The following KIF26B variants were observed in gnomAD, a reference collection of about 807,000 sequenced individuals.
KIF26B encodes the protein kinesin family member 26B, also known as kinesin-like protein KIF26B.
A neutral mutation model predicts 151.2 loss-of-function variants in KIF26B; 63 were observed. That is an observed-to-expected ratio of 0.42 (90% CI 0.34 to 0.51). The LOEUF is 0.51. Ranked by LOEUF, KIF26B falls within the 20% of genes least tolerant of loss-of-function variation. KIF26B has a pLI of 0.07. For synonymous variants in KIF26B, 1,357 were observed against 1,262.1 expected, an observed-to-expected ratio of 1.08 and a Z score of -1.59; for missense variants, 2,813 against 2,913.6, an observed-to-expected ratio of 0.97 and a Z score of 0.79.
At chr1:245,245,460 A>C (rs1352124554) in intron 2 of KIF26B, among the ~76,000 whole-genome samples, 1 of 152,118 alleles carries the variant, frequency 6.6e-6, no homozygotes, top group Non-Finnish European at 1.5e-5. Flanking sequence ...GGCTTTATTT[A>C]CACACCTGGC....
chr1:245,325,330 C>T (rs986275623), intron 2 of KIF26B, among the ~76,000 whole-genome samples: 2 of 152,132 alleles, frequency 1.3e-5, no homozygotes, highest in African/African-American at 4.8e-5. Context: ...TCACTTTCAC[C>T]GTGAGCGTCA....
chr1:245,289,205 T>C (rs1239941846), intron 2 of KIF26B, among the ~76,000 whole-genome samples: 1 of 152,204 alleles, frequency 6.6e-6, no homozygotes, highest in Non-Finnish European at 1.5e-5. Flanking sequence ...TTATAAAGTA[T>C]AATGAAATTA....
rs533030014 is a variant in KIF26B at position 245,350,051 on chromosome 1, AT to A, written c.466-16774del. ...AAGTGCAGAGAGTATATATATATATATTTTTTTTTCATAAATACTTGCACAT... is the reference window on the plus strand; with the variant it reads ...AAGTGCAGAGAGTATATATATATATATTTTTTTTCATAAATACTTGCACAT... On this transcript the variant is annotated intron_variant, in intron 2 of 14. Transcript: ENST00000407071. Among the ~76,000 whole-genome samples, 344 of 141,172 alleles carry A rather than the reference AT, an allele frequency of 2.4e-3. 4 individuals carry two copies. The highest frequency in any genetic ancestry group is 0.017 in the East Asian group (52 of 3,022). 92.6% of individuals were successfully genotyped at this position (141,172 alleles called of 152,430 possible).
intron 5 of KIF26B, among the ~76,000 whole-genome samples, chr1:245,542,612 C>T (rs1041885550): frequency 6.6e-6 from 1 of 152,184 alleles, no homozygotes; most frequent in African/African-American, 2.4e-5. Flanking sequence ...GGTGGGAGCC[C>T]CCGAGGAGGG....
chr1:245,285,731 C>T lies in KIF26B; in HGVS notation c.466-81103C>T, dbSNP rs1181917654. On this transcript the variant is annotated intron_variant, in intron 2 of 14. Coordinates refer to ENST00000407071, the MANE Select transcript of KIF26B (RefSeq NM_018012.4). ...GCCGAGGAGGGAGGATCACTTGAGC[C>T]CAGGAGTTTGAGACCAGCCTGGTGC... Among the ~76,000 whole-genome samples, 13 of 150,764 alleles carry T rather than the reference C, an allele frequency of 8.6e-5. No homozygotes were observed. In the South Asian group the frequency reaches 2.7e-3, roughly 32 times the overall value.
chr1:245,592,035 C>T (rs1231924575), intron 5 of KIF26B, among the ~76,000 whole-genome samples: 1 of 152,230 alleles, frequency 6.6e-6, no homozygotes. Context: ...GAATTTCCTT[C>T]CCCCTCCGCT....
At chr1:245,412,270 C>G (rs1179156290) in intron 3 of KIF26B, among the ~76,000 whole-genome samples, 1 of 152,094 alleles carries the variant, frequency 6.6e-6, no homozygotes, top group Non-Finnish European at 1.5e-5. Context: ...AAAGATGTCC[C>G]AAGGCAGTGA....
At chr1:245,517,961 C>T (rs962348116) in intron 4 of KIF26B, among the ~76,000 whole-genome samples, 5 of 151,672 alleles carry the variant, frequency 3.3e-5, no homozygotes, top group African/African-American at 1.2e-4. Flanking sequence ...CAACCTCCAC[C>T]TCCTGGGTTC....
chr1:245,697,992 G>C (rs1166511480), intron 12 of KIF26B, 114 bp from the exon 13 acceptor site: 3 of 908,084 alleles, frequency 3.3e-6, no homozygotes, highest in Non-Finnish European at 5.0e-6. Context: ...AGTGAGCTAT[G>C]GATCGCACCA....
At chr1:245,211,318 CAA>C (rs1669522424) in intron 2 of KIF26B, among the ~76,000 whole-genome samples, 2 of 152,274 alleles carry the variant, frequency 1.3e-5, no homozygotes, top group Admixed American at 1.3e-4. Context: ...ACTCACCATC[CAA>C]AGAGTTGGGC....
Position 245,367,291 on chromosome 1 carries a change from C to T in KIF26B, c.923C>T (p.Ala308Val), listed in dbSNP as rs1002374622. ...PSNGNILNSV[A>V]IQAHQYLDGT... is the part of the protein sequence containing the mutation. ...AATGGGAACATCCTCAATTCGGTGG[C>T]CATCCAGGCTCACCAGTACCTGGAT... The change falls in exon 3 of 15, where the codon GCC (alanine) becomes GTC (valine). Residue 308 changes from alanine to valine, a missense_variant. Physicochemically the swap from Ala to Val is moderately conservative, Grantham distance 64. Around this residue, in one of 3 missense-constraint regions of KIF26B, gnomAD observed 676 missense variants for 688.1 expected, o/e 0.98. Transcript: ENST00000407071. The surrounding 1 kb of genome is among the most constrained non-coding windows in gnomAD (Gnocchi z 4.2). 2 of 1,597,976 alleles carry T rather than the reference C, an allele frequency of 1.3e-6. No individual in the cohort carries two copies. The highest frequency in any genetic ancestry group is 3.5e-5 in the Admixed American group (2 of 57,318).
chr1:245,260,389 C>T (rs922826067), intron 2 of KIF26B, among the ~76,000 whole-genome samples: 2 of 152,230 alleles, frequency 1.3e-5, no homozygotes, highest in African/African-American at 2.4e-5. Context: ...CCTAGTCTTT[C>T]TGCTAACTTC....
At position 245,428,222 on chromosome 1, in the gene KIF26B, T is replaced by G. The variant is rs116830938; in HGVS notation, c.1166+8477T>G. 9.2e-5 allele frequency among the ~76,000 whole-genome samples: 14 copies of G among 152,192 alleles called. 1 individual carries two copies. The highest frequency in any genetic ancestry group is 1.3e-4 in the Admixed American group (2 of 15,288). On this transcript the variant is annotated intron_variant, in intron 4 of 14. Transcript: ENST00000407071. ...TCTGCTTAGAAAATACTCCGTTGATTTCTTGGAAAAGAAGGGACTCTCACT... is the reference window on the plus strand; with the variant it reads ...TCTGCTTAGAAAATACTCCGTTGATGTCTTGGAAAAGAAGGGACTCTCACT...
chr1:245,334,409 T>G (rs1321254368), intron 2 of KIF26B, among the ~76,000 whole-genome samples: 2 of 152,230 alleles, frequency 1.3e-5, no homozygotes, highest in African/African-American at 2.4e-5. Flanking sequence ...TTTCTTTGCC[T>G]TCAAAGCAGT....
chr1:245,320,826 C>T (rs879718705), intron 2 of KIF26B, among the ~76,000 whole-genome samples: 8 of 152,068 alleles, frequency 5.3e-5, no homozygotes, highest in East Asian at 1.9e-4. Flanking sequence ...TACAGACACA[C>T]GCCACCATGC....
At chr1:245,335,995 GGGAAA>G (rs1672221054) in intron 2 of KIF26B, among the ~76,000 whole-genome samples, 3 of 121,586 alleles carry the variant, frequency 2.5e-5, no homozygotes, top group East Asian at 2.6e-4. Context: ...GTCCCACGCA[GGGAAA>G]GGAGAGTCCC....
intron 3 of KIF26B, among the ~76,000 whole-genome samples, chr1:245,410,859 T>C (rs1069233): frequency 0.47 from 71,372 of 151,992 alleles, 17,075 homozygotes; most frequent in South Asian, 0.66. Context: ...CACCACCATC[T>C]ACCACCAAAA....
At chr1:245,502,017 A>T (rs1015264706) in intron 4 of KIF26B, among the ~76,000 whole-genome samples, 1 of 152,218 alleles carries the variant, frequency 6.6e-6, no homozygotes, top group Admixed American at 6.5e-5. Flanking sequence ...ACTTCAGATG[A>T]GCAAACACCA....
At position 245,560,255 on chromosome 1, in the gene KIF26B, C is replaced by A. The variant is rs991944663; in HGVS notation, c.1350+19305C>A. Among the ~76,000 whole-genome samples the A allele has an allele frequency of 1.3e-5, 2 of 152,132 alleles. No homozygotes were observed. The highest frequency in any genetic ancestry group is 2.4e-5 in the African/African-American group (1 of 41,450). On this transcript the variant is annotated intron_variant, in intron 5 of 14. Transcript: ENST00000407071. This position sits in a 1 kb window ranked among gnomAD's most constrained non-coding sequence, Gnocchi z 4.3. ...AATTCATTGAACATCTGCTACTGGC[C>A]AGGGACTTTTTCCCTTTTGGAAGGA...
Sources: gnomAD v4.1 joint callset for allele counts (sites outside exome capture counted in the v4.1 genomes callset) on GRCh38, gnomAD v4.1.1 for gene constraint, gnomAD v4.1.1 regional missense constraint, Gnocchi (gnomAD v3.1) non-coding constraint, MANE v1.5 for transcripts, NCBI Gene and HGNC (gene_info 2026-07-23, HGNC 2026-07-21) for gene names.